NDRG3: variants seen among roughly 807,000 people sequenced by gnomAD.
NDRG3 encodes protein NDRG3.
Under a neutral mutation model 57.2 loss-of-function variants are expected in NDRG3, and 23 were observed. The observed-to-expected ratio is 0.40, with a 90% CI of 0.29 to 0.57. NDRG3 has a LOEUF of 0.57. Ranked by LOEUF, NDRG3 falls within the 20% of genes least tolerant of loss-of-function variation. The probability of loss-of-function intolerance (pLI) is 0.42; values close to 1 mark genes in which losing one functional copy is unlikely to be tolerated. For synonymous variants in NDRG3, 132 were observed against 162.6 expected (o/e 0.81, Z 1.43); for missense variants, 384 against 457.3 (o/e 0.84, Z 1.46).
At chr20:36,721,874 GACTT>G (rs1984615430) in intron 1 of NDRG3, 91 bp from the exon 2 acceptor site, 1 of 622,878 alleles carries the variant, frequency 1.6e-6, no homozygotes, top group Non-Finnish European at 2.8e-6. Flanking sequence ...TCAAATATGA[GACTT>G]ACTCTGTGCC....
intron 1 of NDRG3, among the ~76,000 whole-genome samples, chr20:36,745,749 G>T (rs367649775): frequency 8.5e-5 from 13 of 152,350 alleles, no homozygotes; most frequent in African/African-American, 3.1e-4. Flanking sequence ...GCGCCTGCGG[G>T]GGGCGTCCCT....
At chr20:36,738,283 G>A (rs781492902) in intron 1 of NDRG3, among the ~76,000 whole-genome samples, 11 of 151,546 alleles carry the variant, frequency 7.3e-5, no homozygotes, top group Middle Eastern at 3.4e-3. Context: ...GGAGGCCAAG[G>A]CAGGAGTTCG....
At chr20:36,725,328 G>T (rs1452334335) in intron 1 of NDRG3, among the ~76,000 whole-genome samples, 1 of 151,276 alleles carries the variant, frequency 6.6e-6, no homozygotes, top group Non-Finnish European at 1.5e-5. Context: ...TATGGAAATT[G>T]GCCGGGAATG....
chr20:36,669,607 C>T (rs1701716637), intron 9 of NDRG3, among the ~76,000 whole-genome samples: 1 of 152,082 alleles, frequency 6.6e-6, no homozygotes, highest in African/African-American at 2.4e-5. Flanking sequence ...TTAGGTGATC[C>T]ACCTGCCTTG....
At chr20:36,726,788 G>GA (rs1450219070) in intron 1 of NDRG3, among the ~76,000 whole-genome samples, 2 of 152,154 alleles carry the variant, frequency 1.3e-5, no homozygotes, top group African/African-American at 4.8e-5. Context: ...TTAAGGAAAT[G>GA]AATCTGATAC....
intron 3 of NDRG3, among the ~76,000 whole-genome samples, chr20:36,706,657 C>A (rs1391796499): frequency 5.9e-5 from 9 of 152,148 alleles, no homozygotes; most frequent in African/African-American, 2.2e-4. Flanking sequence ...GCATGCACCA[C>A]CACGCTTGGC....
At position 36,700,323 on chromosome 20, in the gene NDRG3, C is replaced by T. The variant is rs958946289; in HGVS notation, c.93+6649G>A. The T allele has an allele frequency of 1.5e-4, 53 of 363,460 alleles. No individual in the cohort carries two copies. In the Admixed American group the frequency reaches 1.8e-3, roughly 13 times the overall value. 22.5% of individuals were successfully genotyped at this position (363,460 alleles called of 1,614,324 possible). A position where few individuals can be genotyped will look rare whatever the true frequency, so the allele number is the denominator to read the frequency against. ...CAAGAGTCCTAGGCCCTGATCATTGCCCTATTTGGAGCAGCCCCTAGTTGT... is the reference window on the plus strand; with the variant it reads ...CAAGAGTCCTAGGCCCTGATCATTGTCCTATTTGGAGCAGCCCCTAGTTGT... On this transcript the variant is annotated intron_variant, in intron 3 of 15. Coordinates refer to ENST00000349004, the MANE Select transcript of NDRG3 (RefSeq NM_032013.4).
At chr20:36,725,038 G>A (rs1279332020) in intron 1 of NDRG3, among the ~76,000 whole-genome samples, 1 of 152,182 alleles carries the variant, frequency 6.6e-6, no homozygotes, top group East Asian at 1.9e-4. Flanking sequence ...GCTCACGCCT[G>A]TAATCCCAGC....
chr20:36,741,849 C>T (rs1015203870), intron 1 of NDRG3, among the ~76,000 whole-genome samples: 25 of 152,088 alleles, frequency 1.6e-4, no homozygotes, highest in African/African-American at 5.8e-4. Context: ...AAGGTCGAGC[C>T]CAGGAATATG....
chr20:36,729,965 G>T (rs1289773745), intron 1 of NDRG3, among the ~76,000 whole-genome samples: 1 of 151,670 alleles, frequency 6.6e-6, no homozygotes, highest in Non-Finnish European at 1.5e-5. Flanking sequence ...ATGTTTTAGG[G>T]GCCGGGCACG....
intron 8 of NDRG3, among the ~76,000 whole-genome samples, chr20:36,673,143 T>A (rs1468519064): frequency 6.6e-6 from 1 of 152,100 alleles, no homozygotes; most frequent in Non-Finnish European, 1.5e-5. Context: ...GGATTACCAA[T>A]GTGAAACACT....
chr20:36,659,929 CTG>C (rs1979012236), intron 13 of NDRG3, among the ~76,000 whole-genome samples: 1 of 149,676 alleles, frequency 6.7e-6, no homozygotes, highest in Non-Finnish European at 1.5e-5. Context: ...AGAATGAAGG[CTG>C]GGTGCGGTGG....
Position 36,665,441 on chromosome 20 carries a change from T to C in NDRG3, c.693-140A>G. 3 of 784,220 alleles carry C rather than the reference T, an allele frequency of 3.8e-6. No individual in the cohort carries two copies. In the East Asian group the frequency reaches 7.5e-5, roughly 20 times the overall value. The allele number at this position is 784,220 out of a possible 1,614,324, so 48.6% of individuals were successfully genotyped here. A position where few individuals can be genotyped will look rare whatever the true frequency, so the allele number is the denominator to read the frequency against. On this transcript the variant is annotated intron_variant, in intron 10 of 15. Transcript: ENST00000349004. ...ACACCTGAGAAGGGAAGAGGCCCTA[T>C]GACTTGGTTCTTGAGTCGCCATTTC... is the stretch of plus-strand genomic sequence containing the variant.
At chr20:36,669,322 T>C (rs1268718399) in intron 9 of NDRG3, among the ~76,000 whole-genome samples, 1 of 151,966 alleles carries the variant, frequency 6.6e-6, no homozygotes, top group Non-Finnish European at 1.5e-5. Context: ...CTCTGCCTCC[T>C]GGGTTCAAGC....
chr20:36,733,169 AAAATATATAT>A (rs1985409695), intron 1 of NDRG3, among the ~76,000 whole-genome samples: 2 of 20,972 alleles, frequency 9.5e-5, no homozygotes, highest in African/African-American at 1.9e-4. Context: ...AAAAAAAAAA[AAAATATATAT>A]ATATATATAT....
intron 1 of NDRG3, among the ~76,000 whole-genome samples, chr20:36,723,482 C>T (rs759061877): frequency 6.6e-6 from 1 of 152,050 alleles, no homozygotes; most frequent in Non-Finnish European, 1.5e-5. Flanking sequence ...ATTTAACAAC[C>T]ATTTATTGAG....
At chr20:36,727,702 C>T (rs559632599) in intron 1 of NDRG3, among the ~76,000 whole-genome samples, 6 of 151,762 alleles carry the variant, frequency 4.0e-5, no homozygotes, top group African/African-American at 7.3e-5. Flanking sequence ...CCACCACGCC[C>T]GGCTAATTTT....
chr20:36,677,656 C>T (rs916869817), intron 8 of NDRG3, among the ~76,000 whole-genome samples: 4 of 152,192 alleles, frequency 2.6e-5, no homozygotes, highest in African/African-American at 7.2e-5. Flanking sequence ...CGGAATGACT[C>T]GCCTGTGGAA....
intron 3 of NDRG3, among the ~76,000 whole-genome samples, chr20:36,694,606 C>A (rs762807024): frequency 7.9e-5 from 12 of 152,054 alleles, no homozygotes; most frequent in Non-Finnish European, 1.6e-4. Flanking sequence ...TATGACCCAC[C>A]TTTTTTTGGT....
Sources: allele counts gnomAD v4.1 joint callset (sites outside exome capture counted in the v4.1 genomes callset), GRCh38; gene constraint gnomAD v4.1.1; transcripts MANE v1.5; gene names NCBI Gene and HGNC (gene_info 2026-07-23, HGNC 2026-07-21).